KMT2C: variants seen among roughly 807,000 people sequenced by gnomAD.
KMT2C encodes lysine methyltransferase 2C.
In KMT2C, 88 loss-of-function variants were observed where a neutral mutation model predicts 507.9. That is an observed-to-expected ratio of 0.17 (90% CI 0.15 to 0.21). KMT2C has a LOEUF of 0.21. KMT2C is among the 10% of genes least tolerant of loss of function. The probability of loss-of-function intolerance (pLI) is 1.00; values close to 1 mark genes in which losing one functional copy is unlikely to be tolerated. For missense variants in KMT2C, 4,954 were observed against 5,957.8 expected, an observed-to-expected ratio of 0.83 and a Z score of 5.55; for synonymous variants, 2,049 against 2,080.8, an observed-to-expected ratio of 0.98 and a Z score of 0.42.
At chr7:152,268,574 T>C (rs1204904292) in intron 7 of KMT2C, among the ~76,000 whole-genome samples, 1 of 151,584 alleles carries the variant, frequency 6.6e-6, no homozygotes, top group Non-Finnish European at 1.5e-5. Flanking sequence ...AAATCATTAA[T>C]CTAACAATGG....
intron 1 of KMT2C, among the ~76,000 whole-genome samples, chr7:152,365,781 T>G (rs1433695620): frequency 6.6e-6 from 1 of 152,212 alleles, no homozygotes; most frequent in Non-Finnish European, 1.5e-5. Context: ...TTATGTCATT[T>G]TATTTCAATT....
At chr7:152,307,556 A>T (rs2096633028) in intron 6 of KMT2C, among the ~76,000 whole-genome samples, 1 of 152,132 alleles carries the variant, frequency 6.6e-6, no homozygotes, top group Non-Finnish European at 1.5e-5. Flanking sequence ...AACTCCAAGT[A>T]CTCAATCTGC....
chr7:152,367,973 A>G (rs2097260998), intron 1 of KMT2C: 14 of 898,154 alleles, frequency 1.6e-5, no homozygotes, highest in Non-Finnish European at 1.8e-6. Flanking sequence ...AACAGTTTAA[A>G]AAACAGATAA....
At chr7:152,178,079 A>C in intron 37 of KMT2C, 69 bp from the exon 38 acceptor site, 1 of 1,329,048 alleles carries the variant, frequency 7.5e-7, no homozygotes, top group South Asian at 2.2e-5. Context: ...AGTTAAGTTG[A>C]AAAAAAGAAA....
At position 152,239,395 on chromosome 7, in the gene KMT2C, GC is replaced by G. The variant is rs1588493891; in HGVS notation, c.2533-570del. On this transcript the variant is annotated intron_variant, in intron 14 of 58. Transcript: ENST00000262189. ...AAATGCAAATACCATTATAATCTAA[GC>G]ATTTAATCACTCTTTCTTCAGTGAC... Among the ~76,000 whole-genome samples, 3 of 152,238 alleles carry G rather than the reference GC, an allele frequency of 2.0e-5. No individual in the cohort carries two copies. In the East Asian group the frequency reaches 5.8e-4, roughly 29 times the overall value.
chr7:152,232,698 A>G lies in KMT2C; in HGVS notation c.2770-2377T>C, dbSNP rs117597989. On this transcript the variant is annotated intron_variant, in intron 16 of 58. Transcript: ENST00000262189. ...AAATGTATTGATGTGTTACATGCATAGTATTAACAAAATCAGCTTTCTAAG... is the reference window on the plus strand; with the variant it reads ...AAATGTATTGATGTGTTACATGCATGGTATTAACAAAATCAGCTTTCTAAG... Among the ~76,000 whole-genome samples, 75 of 152,320 alleles carry G rather than the reference A, an allele frequency of 4.9e-4. 1 individual carries two copies. The East Asian group carries it at 0.012, about 25-fold the overall frequency.
At chr7:152,356,938 A>G (rs927180963) in intron 2 of KMT2C, among the ~76,000 whole-genome samples, 2 of 144,704 alleles carry the variant, frequency 1.4e-5, no homozygotes, top group Admixed American at 7.0e-5. Flanking sequence ...AATAATAGCA[A>G]TAATAATAAT....
At chr7:152,195,131 A>C (rs1043947005) in intron 28 of KMT2C, among the ~76,000 whole-genome samples, 1 of 152,264 alleles carries the variant, frequency 6.6e-6, no homozygotes, top group Middle Eastern at 3.4e-3. Flanking sequence ...CTGCAGCTCA[A>C]ATTTGTAAGA....
intron 23 of KMT2C, among the ~76,000 whole-genome samples, chr7:152,213,935 A>G (rs1588266038): frequency 6.6e-6 from 1 of 152,146 alleles, no homozygotes; most frequent in Non-Finnish European, 1.5e-5. Context: ...CCATTTTTCC[A>G]AAGTCACACA....
intron 1 of KMT2C, among the ~76,000 whole-genome samples, chr7:152,360,817 C>G (rs140649081): frequency 6.6e-6 from 1 of 151,462 alleles, no homozygotes; most frequent in South Asian, 2.1e-4. Flanking sequence ...CCACTGCACT[C>G]CAGCCTGGGC....
At position 152,338,130 on chromosome 7, in the gene KMT2C, T is replaced by G. The variant is rs189925942; in HGVS notation, c.251-7391A>C. Among the ~76,000 whole-genome samples the G allele has an allele frequency of 5.3e-5, 8 of 152,306 alleles. No individual in the cohort carries two copies. The East Asian group carries it at 1.5e-3, about 29-fold the overall frequency. ...GCCTCAGCCTCCCAAAGTGCTGGGATTACAGGCATGAGCCACCGTGCCCAG... is the reference window on the plus strand; with the variant it reads ...GCCTCAGCCTCCCAAAGTGCTGGGAGTACAGGCATGAGCCACCGTGCCCAG... On this transcript the variant is annotated intron_variant, in intron 2 of 58. Coordinates refer to ENST00000262189, the MANE Select transcript of KMT2C (RefSeq NM_170606.3).
chr7:152,208,859 TAAGCC>T (rs2094378825), intron 23 of KMT2C, among the ~76,000 whole-genome samples: 1 of 152,192 alleles, frequency 6.6e-6, no homozygotes, highest in Non-Finnish European at 1.5e-5. Context: ...GGCTTATGAC[TAAGCC>T]ATGAAAAGAA....
Position 152,155,967 on chromosome 7 carries a change from G to A in KMT2C, c.11903C>T (p.Thr3968Ile). ...TGGGAGGGAGGCTGGCACATCAACT[G>A]TCTTGGGGCCCTGAGCAAGAGCTCG... ...LARALAQGPK[T>I]VDVPASLPTP... The change falls in exon 46 of 59, where the codon ACA becomes ATA. Residue 3968 changes from threonine (T) to isoleucine (I), a missense_variant. This residue lies in a region of KMT2C where 104 missense variants were observed against 134.3 expected (regional missense o/e 0.77). Transcript: ENST00000262189. The A allele has an allele frequency of 2.5e-6, 4 of 1,611,704 alleles. No homozygotes were observed. The highest frequency in any genetic ancestry group is 2.2e-5 in the East Asian group (1 of 44,876).
chr7:152,224,353 TGTG>T, intron 19 of KMT2C, 79 bp downstream of exon 19: 1 of 1,397,210 alleles, frequency 7.2e-7, no homozygotes, highest in Non-Finnish European at 9.9e-7. Flanking sequence ...ATTAAATAGG[TGTG>T]GCTAATTTTT....
rs1212171271 is a variant in KMT2C, at chr7:152,315,228, G to A, written c.500C>T (p.Pro167Leu). The change falls in exon 4 of 59, where the codon CCT becomes CTT. Residue 167 changes from proline to leucine, a missense_variant. By Grantham distance (98) the Pro-to-Leu change is moderately conservative. Around this residue, in one of 29 missense-constraint regions of KMT2C, gnomAD observed 233 missense variants for 263.6 expected, o/e 0.88. Coordinates refer to ENST00000262189, the MANE Select transcript of KMT2C (RefSeq NM_170606.3). ...PGFILPWRNQ[P>L]SNKKDIDDNS... ...GTCATCAATGTCCTTCTTGTTAGAAGGTTGGTTTCTCCATGGCAAGATAAA... is the reference window on the plus strand; with the variant it reads ...GTCATCAATGTCCTTCTTGTTAGAAAGTTGGTTTCTCCATGGCAAGATAAA... The A allele has an allele frequency of 4.3e-6, 7 of 1,613,948 alleles. No homozygotes were observed. The highest frequency in any genetic ancestry group is 5.1e-6 in the Non-Finnish European group (6 of 1,179,904).
intron 6 of KMT2C, among the ~76,000 whole-genome samples, chr7:152,302,703 G>A (rs187268959): frequency 7.9e-5 from 12 of 151,450 alleles, no homozygotes; most frequent in South Asian, 4.2e-4. Context: ...GTGCAGTGGC[G>A]AAAACTCAGC....
chr7:152,286,195 C>T (rs10452834), intron 6 of KMT2C, among the ~76,000 whole-genome samples: 3 of 149,970 alleles, frequency 2.0e-5, no homozygotes, highest in Admixed American at 2.0e-4. Flanking sequence ...TACTAACATT[C>T]ATGTAATTAG....
chr7:152,377,435 GT>G (rs1228051507), intron 1 of KMT2C, among the ~76,000 whole-genome samples: 1 of 152,178 alleles, frequency 6.6e-6, no homozygotes, highest in Non-Finnish European at 1.5e-5. Flanking sequence ...AAGTCTTACT[GT>G]TTAAGAAATA....
chr7:152,343,222 G>C (rs183305498), intron 2 of KMT2C, among the ~76,000 whole-genome samples: 2 of 152,302 alleles, frequency 1.3e-5, no homozygotes, highest in African/African-American at 2.4e-5. Flanking sequence ...TATGCTAACG[G>C]TTCTAATGGA....
Sources: gnomAD v4.1 joint callset for allele counts (sites outside exome capture counted in the v4.1 genomes callset) on GRCh38, gnomAD v4.1.1 for gene constraint, gnomAD v4.1.1 regional missense constraint, MANE v1.5 for transcripts, NCBI Gene and HGNC (gene_info 2026-07-23, HGNC 2026-07-21) for gene names.